ABCA12: variants seen among roughly 807,000 people sequenced by gnomAD.
ABCA12 encodes ATP binding cassette subfamily A member 12.
ABCA12 carries 156 observed loss-of-function variants against 293.5 expected under a neutral mutation model. That is an observed-to-expected ratio of 0.53 (90% CI 0.47 to 0.61). The LOEUF (loss-of-function observed/expected upper bound fraction) is 0.61. Among genes scored for constraint, ABCA12 ranks in the 20% least tolerant of loss-of-function variants. ABCA12 has a pLI of 0.00. For missense variants in ABCA12, 2,797 were observed against 3,090.2 expected (o/e 0.91, Z 2.25); for synonymous variants, 1,063 against 1,108.0 (o/e 0.96, Z 0.81).
At chr2:215,113,792 A>T (rs1014139987) in intron 1 of ABCA12, among the ~76,000 whole-genome samples, 3 of 152,208 alleles carry the variant, frequency 2.0e-5, no homozygotes, top group African/African-American at 4.8e-5. Flanking sequence ...CCACAGTGTT[A>T]TTAGAAGAAC....
rs191636066 is a variant in ABCA12 at position 215,055,100 on chromosome 2, C to T, written c.318-436G>A. ...GTTTTCTATGTTAAATTATAGATGG[C>T]CTTTTAAAGATTTTCAACACAGGTT... On this transcript the variant is annotated intron_variant, in intron 3 of 52. Transcript: ENST00000272895. Among the ~76,000 whole-genome samples the T allele has an allele frequency of 5.9e-4, 90 of 152,084 alleles. No homozygotes were observed. In the East Asian group the frequency reaches 8.9e-3, roughly 15 times the overall value.
chr2:214,933,906 T>C (rs527642829), intron 52 of ABCA12, among the ~76,000 whole-genome samples, 172 bp downstream of exon 52: 1 of 152,322 alleles, frequency 6.6e-6, no homozygotes, highest in Admixed American at 6.5e-5. Context: ...ATTTTTTTAA[T>C]ATCCCCAAAT....
intron 51 of ABCA12, among the ~76,000 whole-genome samples, chr2:214,937,168 C>CA (rs1185941047): frequency 6.6e-6 from 1 of 151,918 alleles, no homozygotes; most frequent in Admixed American, 6.6e-5. Context: ...GCAAGATAAT[C>CA]ACTTACATTG....
intron 50 of ABCA12, among the ~76,000 whole-genome samples, chr2:214,939,132 T>C (rs1221010972): frequency 6.6e-6 from 1 of 152,216 alleles, no homozygotes; most frequent in Non-Finnish European, 1.5e-5. Context: ...GTCGAATTAA[T>C]TTTTGTATAA....
intron 3 of ABCA12, 56 bp from the exon 4 acceptor site, chr2:215,054,720 G>T: frequency 7.4e-7 from 1 of 1,358,204 alleles, no homozygotes; most frequent in Non-Finnish European, 1.1e-6. Context: ...TTTAGTTACA[G>T]CAATGTATTA....
intron 20 of ABCA12, among the ~76,000 whole-genome samples, chr2:215,003,067 G>A (rs1700176985): frequency 6.6e-6 from 1 of 152,240 alleles, no homozygotes; most frequent in South Asian, 2.1e-4. Flanking sequence ...ATCATAATAT[G>A]TGTACAATCA....
rs1186416756 is a variant in ABCA12 at position 215,088,966 on chromosome 2, C to T, written c.163+22631G>A. On this transcript the variant is annotated intron_variant, in intron 2 of 52. Transcript: ENST00000272895. ...TATCATTCATATATGTCCATCCATC[C>T]ACCCCTCCCTCCCTCCATTTAATAA... 3.3e-5 allele frequency among the ~76,000 whole-genome samples: 5 copies of T among 152,066 alleles called. No individual in the cohort carries two copies. In the South Asian group the frequency reaches 6.2e-4, roughly 19 times the overall value.
At chr2:215,005,315 T>C (rs1700229590) in intron 19 of ABCA12, among the ~76,000 whole-genome samples, 1 of 152,206 alleles carries the variant, frequency 6.6e-6, no homozygotes, top group South Asian at 2.1e-4. Context: ...CATGGCCTGG[T>C]TTTTATGTAA....
rs1703274980 is a variant in ABCA12 at position 215,138,274 on chromosome 2, C to A, written c.-66G>T. 1.3e-6 allele frequency: 2 copies of A among 1,542,448 alleles called. No homozygotes were observed. The highest frequency in any genetic ancestry group is 1.8e-6 in the Non-Finnish European group (2 of 1,114,920). On this transcript the variant is annotated 5_prime_UTR_variant, in exon 1 of 53. Transcript: ENST00000272895. Reference sequence around the variant, plus strand: ...CCACTCCACAAATGAAGAACTGATGCCCCGTCCAACTTGCTGTATGTCAGT... The same window carrying A: ...CCACTCCACAAATGAAGAACTGATGACCCGTCCAACTTGCTGTATGTCAGT...
At chr2:215,082,980 A>T (rs1461363997) in intron 2 of ABCA12, among the ~76,000 whole-genome samples, 2 of 152,066 alleles carry the variant, frequency 1.3e-5, no homozygotes, top group African/African-American at 4.8e-5. Flanking sequence ...GTAAGTAAAC[A>T]AAGTTGGAAC....
In ABCA12 at chr2:214,986,615, G is replaced by A. The variant is rs373888250; in HGVS notation, c.4090C>T (p.Leu1364Phe). Reference protein sequence around the residue: ...IYGSKVAVDNLNLNFYEGHIT... With the variant: ...IYGSKVAVDNFNLNFYEGHIT... ...TGCCCTTCATAAAAGTTCAGATTGA[G>A]GTTATCAACAGCAACTTTTGAGCCA... The change falls in exon 28 of 53, where the codon CTC (leucine) becomes TTC (phenylalanine). Residue 1364 changes from leucine (L) to phenylalanine (F), a missense_variant. Transcript: ENST00000272895. 1 of 1,613,918 alleles carries A rather than the reference G, an allele frequency of 6.2e-7. No homozygotes were observed. Among genetic ancestry groups the A allele is most frequent in the African/African-American group, 1.3e-5 (1 of 74,884 alleles).
intron 22 of ABCA12, among the ~76,000 whole-genome samples, chr2:214,998,457 C>T (rs1159399409): frequency 6.6e-6 from 1 of 152,022 alleles, no homozygotes; most frequent in Non-Finnish European, 1.5e-5. Flanking sequence ...TGTGCCTGGC[C>T]CAAAGCATTT....
chr2:215,048,876 C>T (rs950663753), intron 6 of ABCA12, among the ~76,000 whole-genome samples: 3 of 152,170 alleles, frequency 2.0e-5, no homozygotes, highest in Non-Finnish European at 4.4e-5. Flanking sequence ...AGCTGGAGGC[C>T]ATTATCCTTA....
In ABCA12 at chr2:214,948,671, A is replaced by G. The variant is rs1559107850; in HGVS notation, c.7029T>C (p.Asp2343=). The G allele has an allele frequency of 1.9e-6, 3 of 1,614,106 alleles. No individual in the cohort carries two copies. The highest frequency in any genetic ancestry group is 1.7e-6 in the Non-Finnish European group (2 of 1,179,986). ...AATGTTCTTCCACAGTTACCAGGTC[A>G]TCTAAGGCATCTTCCTGAGGACAGT... The part of the protein sequence containing the change: ...VGYCPQEDAL[D]DLVTVEEHLY... The change falls in exon 47 of 53, where the codon GAT becomes GAC. Residue 2343 remains aspartate, a synonymous_variant. Transcript: ENST00000272895.
At chr2:214,977,473 A>G (rs1699543951) in intron 33 of ABCA12, among the ~76,000 whole-genome samples, 1 of 152,198 alleles carries the variant, frequency 6.6e-6, no homozygotes, top group African/African-American at 2.4e-5. Flanking sequence ...AGCCAGGCAA[A>G]TGTTTAATTA....
At chr2:215,056,756 T>C (rs953073526) in intron 3 of ABCA12, among the ~76,000 whole-genome samples, 5 of 152,072 alleles carry the variant, frequency 3.3e-5, no homozygotes. Flanking sequence ...ACACAGCTAC[T>C]TTCCCCCCAA....
chr2:215,002,223 C>T (rs1346516249), intron 20 of ABCA12, among the ~76,000 whole-genome samples: 2 of 152,144 alleles, frequency 1.3e-5, no homozygotes, highest in African/African-American at 4.8e-5. Flanking sequence ...TATAGAAACA[C>T]TTAAGATACC....
intron 3 of ABCA12, among the ~76,000 whole-genome samples, chr2:215,056,077 G>C (rs1473617831): frequency 1.3e-5 from 2 of 151,858 alleles, no homozygotes; most frequent in Non-Finnish European, 2.9e-5. Context: ...AAAAATTTAA[G>C]GACTAGGGAC....
chr2:215,070,772 C>G (rs1035748617), intron 2 of ABCA12, among the ~76,000 whole-genome samples: 1 of 151,880 alleles, frequency 6.6e-6, no homozygotes, highest in Non-Finnish European at 1.5e-5. Flanking sequence ...TTTACAAGGT[C>G]ATCACAGTTT....
Sources: gnomAD v4.1 joint callset for allele counts (sites outside exome capture counted in the v4.1 genomes callset) on GRCh38, gnomAD v4.1.1 for gene constraint, MANE v1.5 for transcripts, NCBI Gene and HGNC (gene_info 2026-07-23, HGNC 2026-07-21) for gene names.